Variants in PTPRN observed in about 807,000 individuals in gnomAD.
PTPRN encodes receptor-type tyrosine-protein phosphatase-like N.
PTPRN carries 70 observed loss-of-function variants against 108.5 expected under a neutral mutation model. The observed-to-expected ratio is 0.65, with a 90% CI of 0.53 to 0.79. The LOEUF (loss-of-function observed/expected upper bound fraction) is 0.79. Ranked by LOEUF, PTPRN falls within the 30% of genes least tolerant of loss-of-function variation. The pLI is 0.00. For synonymous variants in PTPRN, 496 were observed against 524.6 expected (o/e 0.95, Z 0.75); for missense variants, 1,136 against 1,295.5 (o/e 0.88, Z 1.89).
rs769129491 is a variant in PTPRN at position 219,309,284 on chromosome 2, G to T, written c.49C>A (p.Arg17=). 3.3e-5 allele frequency: 50 copies of T among 1,508,528 alleles called. No homozygotes were observed. The Admixed American group carries it at 4.7e-4, about 14-fold the overall frequency. The allele number at this position is 1,508,528 out of a possible 1,614,324, so 93.4% of individuals were successfully genotyped here. ...AGCAGCAGGAGGCAGAGGAGCAGCC[G>T]GAGACCCCCGGATCCCCCGAGACCC... The part of the protein sequence containing the change: ...PGGLGGSGGL[R]LLLCLLLLSS... The change falls in exon 1 of 23, where the codon CGG becomes AGG. Residue 17 remains arginine (R), a synonymous_variant. Coordinates refer to ENST00000295718, the MANE Select transcript of PTPRN (RefSeq NM_002846.4).
chr2:219,291,264 A>G (rs562226311), intron 20 of PTPRN, among the ~76,000 whole-genome samples: 1 of 152,320 alleles, frequency 6.6e-6, no homozygotes, highest in South Asian at 2.1e-4. Flanking sequence ...GGCCACATAC[A>G]GTTTGTATCA....
At chr2:219,298,809 C>T (rs1340313082) in intron 12 of PTPRN, among the ~76,000 whole-genome samples, 1 of 152,252 alleles carries the variant, frequency 6.6e-6, no homozygotes, top group Non-Finnish European at 1.5e-5. Flanking sequence ...AAGGGCGGCT[C>T]AACTAGTTCT....
chr2:219,304,465 C>G (rs1265089762), intron 3 of PTPRN, among the ~76,000 whole-genome samples: 5 of 152,134 alleles, frequency 3.3e-5, no homozygotes, highest in African/African-American at 7.2e-5. Context: ...TATTCATAGA[C>G]AGCTCTCCTG....
chr2:219,300,324 G>T, intron 8 of PTPRN, 65 bp from the exon 9 acceptor site: 11 of 1,479,826 alleles, frequency 7.4e-6, no homozygotes, highest in Non-Finnish European at 9.9e-6. Flanking sequence ...CCCTGGACTC[G>T]GAGCTCTCCA....
rs761387267 is a variant in PTPRN, at chr2:219,298,034, T to C, written c.1738A>G (p.Thr580Ala). ...GCCACACCTGCCAGGGCCACCAGAG[T>C]GAGCAGCACTGAGCGCATGGGTGAG... ...STSPMRSVLL[T>A]LVALAGVAGL... The change falls in exon 13 of 23, where the codon ACT becomes GCT. Residue 580 changes from threonine (T) to alanine (A), a missense_variant. By Grantham distance (58) the Thr-to-Ala change is moderately conservative (BLOSUM62 0). Coordinates refer to ENST00000295718, the MANE Select transcript of PTPRN (RefSeq NM_002846.4). 9 of 1,613,732 alleles carry C rather than the reference T, an allele frequency of 5.6e-6. No individual in the cohort carries two copies. Among genetic ancestry groups the C allele is most frequent in the African/African-American group, 1.3e-5 (1 of 74,852 alleles).
chr2:219,308,747 A>G (rs1952548054), intron 1 of PTPRN: 1 of 1,065,178 alleles, frequency 9.4e-7, no homozygotes, highest in South Asian at 1.6e-5. Flanking sequence ...CTCTAGGCTT[A>G]CGGAGAAACC....
At chr2:219,304,441 TATC>T (rs974981256) in intron 3 of PTPRN, among the ~76,000 whole-genome samples, 2 of 152,100 alleles carry the variant, frequency 1.3e-5, no homozygotes, top group African/African-American at 2.4e-5. Context: ...TCATCACCAT[TATC>T]ATCATCATCT....
chr2:219,303,394 A>G lies in PTPRN; in HGVS notation c.377+341T>C, dbSNP rs116721186. On this transcript the variant is annotated intron_variant, in intron 4 of 22. Coordinates refer to ENST00000295718, the MANE Select transcript of PTPRN (RefSeq NM_002846.4). ...AAAAGATGATGGTGGCTCCTGTCAT[A>G]TAGAAATTCACATAGTAATGAAATG... Among the ~76,000 whole-genome samples, 933 of 152,346 alleles carry G rather than the reference A, an allele frequency of 6.1e-3. 11 individuals carry two copies. The highest frequency in any genetic ancestry group is 0.03 in the South Asian group (144 of 4,826).
Position 219,296,402 on chromosome 2 carries a change from C to T in PTPRN, c.2388+37G>A. On this transcript the variant is annotated intron_variant, in intron 17 of 22. Transcript: ENST00000295718. This position sits in a 1 kb window ranked among gnomAD's most constrained non-coding sequence, Gnocchi z 6.0. ...TAACCTCCCTGGGACCTCGTGGCCA[C>T]AAGGACCCCAGCGAAGCCCTCCCTT... 6.2e-7 allele frequency: 1 copy of T among 1,614,082 alleles called. No homozygotes were observed. Among genetic ancestry groups the T allele is most frequent in the South Asian group, 1.1e-5 (1 of 91,086 alleles).
intron 1 of PTPRN, 131 bp from the exon 2 acceptor site, chr2:219,307,973 G>T: frequency 2.3e-6 from 2 of 857,392 alleles, no homozygotes; most frequent in Non-Finnish European, 3.8e-6. Context: ...TAAGCTGGGA[G>T]GAGAGTAGGA....
intron 8 of PTPRN, among the ~76,000 whole-genome samples, chr2:219,300,588 A>G (rs557836624): frequency 2.0e-5 from 3 of 152,342 alleles, no homozygotes; most frequent in Admixed American, 1.3e-4. Context: ...TTTAGCCACA[A>G]AGTCTTAGAA....
At position 219,297,408 on chromosome 2, in the gene PTPRN, G is replaced by A. The variant is rs765350345; in HGVS notation, c.1913C>T (p.Thr638Met). The change falls in exon 14 of 23, where the codon ACG becomes ATG. Residue 638 changes from threonine to methionine, a missense_variant. Transcript: ENST00000295718. The surrounding 1 kb of genome is among the most constrained non-coding windows in gnomAD (Gnocchi z 6.0). Reference sequence around the variant, plus strand: ...CTCTGCCCGGTTGAACAAGGACTTCGTGGCCATGTGCTGGCGGCACAGGTC... The same window carrying A: ...CTCTGCCCGGTTGAACAAGGACTTCATGGCCATGTGCTGGCGGCACAGGTC... ...YQDLCRQHMATKSLFNRAEGP... is the reference protein window; with the variant it reads ...YQDLCRQHMAMKSLFNRAEGP... The A allele has an allele frequency of 1.2e-4, 187 of 1,613,986 alleles. No homozygotes were observed. Among genetic ancestry groups the A allele is most frequent in the Non-Finnish European group, 1.5e-4 (177 of 1,180,034 alleles).
chr2:219,302,914 G>T, intron 4 of PTPRN, 77 bp from the exon 5 acceptor site: 1 of 1,516,430 alleles, frequency 6.6e-7, no homozygotes, highest in Non-Finnish European at 8.9e-7. Context: ...ACTATTCGGG[G>T]CCAGGCAGGC....
chr2:219,301,497 TCTCCAGGCTA>T, intron 7 of PTPRN, 81 bp downstream of exon 7: 1 of 1,474,950 alleles, frequency 6.8e-7, no homozygotes, highest in Non-Finnish European at 9.2e-7. Context: ...TGACTCTTCC[TCTCCAGGCTA>T]CTCCAAGTGG....
intron 12 of PTPRN, 46 bp downstream of exon 12, chr2:219,299,001 C>T (rs370597001): frequency 1.2e-6 from 2 of 1,606,878 alleles, no homozygotes; most frequent in African/African-American, 2.7e-5. Flanking sequence ...TTGCGGACAA[C>T]ATCAGCCCTC....
intron 3 of PTPRN, chr2:219,304,099 C>A (rs1952424723): frequency 3.4e-6 from 1 of 296,386 alleles, no homozygotes; most frequent in Admixed American, 4.7e-5. Flanking sequence ...AGCCTCAATT[C>A]CCTCATCAAT....
intron 12 of PTPRN, among the ~76,000 whole-genome samples, chr2:219,298,689 A>T (rs1952264191): frequency 6.6e-6 from 1 of 152,260 alleles, no homozygotes; most frequent in South Asian, 2.1e-4. Flanking sequence ...CAGCCTGGAC[A>T]GCAAGAGTGA....
At position 219,300,184 on chromosome 2, in the gene PTPRN, T is replaced by G; in HGVS notation, c.1237A>C (p.Thr413Pro). ...ACTTCACTGGAGGTAGGGCTGGCAG[T>G]GGGGTGTCCAGGCATGGGGGATGTG... ...ARTSPMPGHP[T>P]ASPTSSEVQQ... Residue 413 changes from threonine (T) to proline (P), a missense_variant, in exon 9 of 23, where the codon ACT becomes CCT. Physicochemically the swap from Thr to Pro is conservative, Grantham distance 38 (BLOSUM62 -1). Transcript: ENST00000295718. 6.2e-7 allele frequency: 1 copy of G among 1,612,338 alleles called. No homozygotes were observed. Among genetic ancestry groups the G allele is most frequent in the Non-Finnish European group, 8.5e-7 (1 of 1,178,942 alleles).
rs772928537 is a variant in PTPRN at position 219,308,961 on chromosome 2, G to A, written c.115+257C>T. The A allele has an allele frequency of 3.4e-6, 5 of 1,470,698 alleles. No homozygotes were observed. In the South Asian group the frequency reaches 4.9e-5, roughly 14 times the overall value. 91.1% of individuals were successfully genotyped at this position (1,470,698 alleles called of 1,614,324 possible). The stretch of plus-strand genomic sequence containing the variant: ...AAGTCCCTCTGCCCACATGCACCCC[G>A]TGTCCTTCTCCCGAACCTGCAATTT... On this transcript the variant is annotated intron_variant, in intron 1 of 22. Coordinates refer to ENST00000295718, the MANE Select transcript of PTPRN (RefSeq NM_002846.4).
Sources: allele counts gnomAD v4.1 joint callset (sites outside exome capture counted in the v4.1 genomes callset), GRCh38; gene constraint gnomAD v4.1.1; non-coding constraint Gnocchi (gnomAD v3.1); transcripts MANE v1.5; gene names NCBI Gene and HGNC (gene_info 2026-07-23, HGNC 2026-07-21).